MRPL14: variants seen among roughly 807,000 people sequenced by gnomAD.
MRPL14 encodes the protein mitochondrial ribosomal protein L14, also known as large ribosomal subunit protein uL14m.
A neutral mutation model predicts 10.9 loss-of-function variants in MRPL14; 8 were observed. The ratio of observed to expected loss-of-function variants is 0.74; its 90% CI spans 0.43 to 1.33. The LOEUF (loss-of-function observed/expected upper bound fraction) is 1.33, where lower values mean the gene tolerates loss of function less well. Ranked by LOEUF, MRPL14 falls within the 40% of genes most tolerant of loss-of-function variation. MRPL14 has a pLI of 0.01. For synonymous variants in MRPL14, 82 were observed against 74.1 expected (o/e 1.11, Z -0.54); for missense variants, 179 against 194.5 (o/e 0.92, Z 0.47).
intron 1 of MRPL14, among the ~76,000 whole-genome samples, chr6:44,125,049 C>G (rs1776807357): frequency 6.6e-6 from 1 of 152,318 alleles, no homozygotes; most frequent in South Asian, 2.1e-4. Flanking sequence ...ATGCTCAGTG[C>G]CCAACCACCT....
chr6:44,123,553 C>T (rs1278947150), intron 1 of MRPL14, among the ~76,000 whole-genome samples: 8 of 152,210 alleles, frequency 5.3e-5, no homozygotes, highest in Non-Finnish European at 2.9e-5. Flanking sequence ...CACAGCAGCA[C>T]TATCAATAAG....
chr6:44,123,852 C>CA (rs1372552991), intron 1 of MRPL14, among the ~76,000 whole-genome samples: 1 of 151,978 alleles, frequency 6.6e-6, no homozygotes, highest in Non-Finnish European at 1.5e-5. Context: ...GCCTGGGTGA[C>CA]AGAGCGAGAC....
chr6:44,117,438 G>T (rs1338509688), intron 1 of MRPL14, among the ~76,000 whole-genome samples: 1 of 152,188 alleles, frequency 6.6e-6, no homozygotes, highest in Non-Finnish European at 1.5e-5. Flanking sequence ...GCATGCTTCA[G>T]AAAGGCCTGT....
At chr6:44,118,271 T>C (rs1296969502) in intron 1 of MRPL14, among the ~76,000 whole-genome samples, 3 of 152,320 alleles carry the variant, frequency 2.0e-5, no homozygotes, top group Middle Eastern at 3.4e-3. Flanking sequence ...ATACTAATAG[T>C]ATCTGCCCCC....
intron 1 of MRPL14, among the ~76,000 whole-genome samples, chr6:44,120,804 G>A (rs1776327545): frequency 6.6e-6 from 1 of 152,178 alleles, no homozygotes; most frequent in Admixed American, 6.5e-5. Context: ...CTCTGACGGA[G>A]GTAAATCCAG....
chr6:44,121,922 G>GAGTA (rs1228814812), intron 1 of MRPL14, among the ~76,000 whole-genome samples: 1 of 136,246 alleles, frequency 7.3e-6, no homozygotes, highest in African/African-American at 2.9e-5. Context: ...CTAGGCAACA[G>GAGTA]AGTAAGACTG....
intron 1 of MRPL14, among the ~76,000 whole-genome samples, chr6:44,118,610 C>T (rs1376158670): frequency 6.6e-6 from 1 of 152,192 alleles, no homozygotes; most frequent in Admixed American, 6.5e-5. Flanking sequence ...TATTTATGAA[C>T]ACTTATCAAA....
chr6:44,120,763 G>T (rs1776321720), intron 1 of MRPL14, among the ~76,000 whole-genome samples: 1 of 152,164 alleles, frequency 6.6e-6, no homozygotes, highest in African/African-American at 2.4e-5. Flanking sequence ...AAATAAATGA[G>T]GTAGCCAGGA....
At position 44,114,782 on chromosome 6, in the gene MRPL14, G is replaced by A. The variant is rs554785631; in HGVS notation, c.72-573C>T. On this transcript the variant is annotated intron_variant, in intron 2 of 2. Transcript: ENST00000372014. ...TGCTGCCATGCCCAGCTAATTTTTT[G>A]TATTTTTTAGTAGAGACAGGGTTTC... is the stretch of plus-strand genomic sequence containing the variant. Among the ~76,000 whole-genome samples, 13 of 152,204 alleles carry A rather than the reference G, an allele frequency of 8.5e-5. No homozygotes were observed. The South Asian group carries it at 2.7e-3, about 32-fold the overall frequency.
chr6:44,117,840 G>GTTTTTTTTTTTTTTTTTT (rs56204643), intron 1 of MRPL14, among the ~76,000 whole-genome samples: 1 of 75,346 alleles, frequency 1.3e-5, no homozygotes, highest in Non-Finnish European at 2.4e-5. Flanking sequence ...AATTTTTTGT[G>GTTTTTTTTTTTTTTTTTT]TTTTTTTTTT....
In MRPL14 at chr6:44,123,948, T is replaced by C. The variant is rs527419452; in HGVS notation, c.-19+3396A>G. 7.9e-5 allele frequency among the ~76,000 whole-genome samples: 12 copies of C among 151,292 alleles called. 2 individuals carry two copies. In the South Asian group the frequency reaches 2.1e-3, roughly 26 times the overall value. ...CAAGATGGTTTTTCAATGTGTAGAT[T>C]TGTATATTTTATCTACTCCAGTTTT... On this transcript the variant is annotated intron_variant, in intron 1 of 2. Transcript: ENST00000372014.
intron 2 of MRPL14, 144 bp from the exon 3 acceptor site, chr6:44,114,353 T>G (rs1775634594): frequency 4.1e-6 from 4 of 987,394 alleles, no homozygotes; most frequent in Non-Finnish European, 1.5e-6. Flanking sequence ...CAACAGAAAG[T>G]CAGGACTTTG....
chr6:44,127,152 T>TCCCCTCCTCGTCGGGCCC (rs1777195815), intron 1 of MRPL14, 192 bp downstream of exon 1: 1 of 108,806 alleles, frequency 9.2e-6, no homozygotes, highest in African/African-American at 3.0e-5. Context: ...GTAAGGGGCC[T>TCCCCTCCTCGTCGGGCCC]CCCCTCCCCG....
At chr6:44,126,218 ACCT>A (rs899534119) in intron 1 of MRPL14, among the ~76,000 whole-genome samples, 9 of 152,276 alleles carry the variant, frequency 5.9e-5, no homozygotes, top group South Asian at 2.1e-4. Flanking sequence ...ACTGTAGAAC[ACCT>A]CCTAGTACAC....
chr6:44,124,217 G>C (rs1465806896), intron 1 of MRPL14, among the ~76,000 whole-genome samples: 1 of 152,088 alleles, frequency 6.6e-6, no homozygotes, highest in East Asian at 1.9e-4. Flanking sequence ...GAATGGGGGT[G>C]GGAGGGTGCT....
At chr6:44,119,464 G>A (rs188109341) in intron 1 of MRPL14, among the ~76,000 whole-genome samples, 6 of 151,904 alleles carry the variant, frequency 3.9e-5, no homozygotes, top group African/African-American at 1.2e-4. Flanking sequence ...TGAGGCAAAG[G>A]TTGCAGTGAG....
chr6:44,122,509 T>A (rs1251979944), intron 1 of MRPL14, among the ~76,000 whole-genome samples: 4 of 152,200 alleles, frequency 2.6e-5, no homozygotes, highest in Non-Finnish European at 5.9e-5. Context: ...ATATAATTAG[T>A]ATCACAGATC....
chr6:44,126,484 G>A (rs1413710619), intron 1 of MRPL14, among the ~76,000 whole-genome samples: 1 of 152,216 alleles, frequency 6.6e-6, no homozygotes, highest in Non-Finnish European at 1.5e-5. Context: ...GGTGGGCAGT[G>A]TCCTTCTGTT....
At chr6:44,114,909 CCCTAATTTTCTTATTTA>C (rs1341026942) in intron 2 of MRPL14, among the ~76,000 whole-genome samples, 2 of 152,134 alleles carry the variant, frequency 1.3e-5, no homozygotes, top group African/African-American at 4.8e-5. Flanking sequence ...GCGCCCGGTC[CCCTAATTTTCTTATTTA>C]CATGTTGCTG....
Sources: gnomAD v4.1 joint callset for allele counts (sites outside exome capture counted in the v4.1 genomes callset) on GRCh38, gnomAD v4.1.1 for gene constraint, MANE v1.5 for transcripts, NCBI Gene and HGNC (gene_info 2026-07-23, HGNC 2026-07-21) for gene names.